Variants in ASTN2 observed in about 807,000 individuals in gnomAD.
ASTN2 encodes astrotactin 2.
In ASTN2, 54 loss-of-function variants were observed where a neutral mutation model predicts 139.8. The observed-to-expected ratio is 0.39, with a 90% CI of 0.31 to 0.48. The LOEUF (loss-of-function observed/expected upper bound fraction) is 0.48, where lower values mean the gene tolerates loss of function less well. ASTN2 is among the 20% of genes least tolerant of loss of function. The pLI is 0.95. For missense variants in ASTN2, 1,565 were observed against 1,725.1 expected, an observed-to-expected ratio of 0.91 and a Z score of 1.64; for synonymous variants, 756 against 719.5, an observed-to-expected ratio of 1.05 and a Z score of -0.81.
intron 2 of ASTN2, among the ~76,000 whole-genome samples, chr9:117,253,106 C>A (rs1833583056): frequency 6.6e-6 from 1 of 152,090 alleles, no homozygotes; most frequent in African/African-American, 2.4e-5. Flanking sequence ...ATTGGGCAGT[C>A]ATTGGTGGCA....
At position 116,863,632 on chromosome 9, in the gene ASTN2, C is replaced by T. The variant is rs750439078; in HGVS notation, c.1991G>A (p.Arg664His). Residue 664 changes from arginine to histidine, a missense_variant, in exon 11 of 23, where the codon CGC becomes CAC. Physicochemically the swap from Arg to His is conservative, Grantham distance 29. Around this residue, in one of 4 missense-constraint regions of ASTN2, gnomAD observed 503 missense variants for 591.7 expected, o/e 0.85. Coordinates refer to ENST00000313400, the MANE Select transcript of ASTN2 (RefSeq NM_001365068.1). ...CCGGTCAGACACACACTTGAAGTTGCGAGTGCAGCCCCCATTGTTCCGAGA... is the reference window on the plus strand; with the variant it reads ...CCGGTCAGACACACACTTGAAGTTGTGAGTGCAGCCCCCATTGTTCCGAGA... The part of the protein sequence containing the change: ...DCSRNNGGCT[R>H]NFKCVSDRQV... The T allele has an allele frequency of 2.2e-5, 35 of 1,614,038 alleles. No homozygotes were observed. Among genetic ancestry groups the T allele is most frequent in the Admixed American group, 1.8e-4 (11 of 60,004 alleles).
intron 19 of ASTN2, among the ~76,000 whole-genome samples, chr9:116,523,624 A>G (rs1850972144): frequency 6.6e-6 from 1 of 152,180 alleles, no homozygotes; most frequent in Non-Finnish European, 1.5e-5. Flanking sequence ...TAGGCCCTAA[A>G]TAATAGAGGG....
intron 4 of ASTN2, among the ~76,000 whole-genome samples, chr9:117,103,850 C>A (rs1010232039): frequency 6.6e-6 from 1 of 152,180 alleles, no homozygotes; most frequent in African/African-American, 2.4e-5. Context: ...AGTGGGTAAA[C>A]TTCCCACACC....
chr9:117,300,721 T>C (rs529707142), intron 1 of ASTN2, among the ~76,000 whole-genome samples: 12 of 152,188 alleles, frequency 7.9e-5, no homozygotes, highest in African/African-American at 2.9e-4. Flanking sequence ...GTTTGGGAGG[T>C]CACCCGTGGG....
intron 19 of ASTN2, among the ~76,000 whole-genome samples, chr9:116,590,177 C>G (rs908554947): frequency 2.0e-5 from 3 of 152,212 alleles, no homozygotes; most frequent in Non-Finnish European, 4.4e-5. Context: ...GAGCCCCACC[C>G]TCCGAGGCAC....
At chr9:117,029,803 AC>A (rs1838195849) in intron 6 of ASTN2, among the ~76,000 whole-genome samples, 1 of 152,016 alleles carries the variant, frequency 6.6e-6, no homozygotes, top group South Asian at 2.1e-4. Context: ...AGGGAGGCCA[AC>A]CCCCCTAATA....
At chr9:117,244,232 C>T (rs1159576844) in intron 2 of ASTN2, among the ~76,000 whole-genome samples, 3 of 152,238 alleles carry the variant, frequency 2.0e-5, no homozygotes, top group East Asian at 3.9e-4. Flanking sequence ...ATAAATTACC[C>T]TGTTTTGGGT....
intron 2 of ASTN2, among the ~76,000 whole-genome samples, chr9:117,222,891 AG>A (rs1449110751): frequency 6.6e-6 from 1 of 152,084 alleles, no homozygotes; most frequent in Non-Finnish European, 1.5e-5. Context: ...GAAAAAAAAA[AG>A]GAGACTCAGA....
chr9:117,344,329 C>T (rs568168298), intron 1 of ASTN2, among the ~76,000 whole-genome samples: 2 of 152,112 alleles, frequency 1.3e-5, no homozygotes, highest in East Asian at 1.9e-4. Context: ...GGATGCCGGG[C>T]ACCAGGGCTG....
intron 2 of ASTN2, among the ~76,000 whole-genome samples, chr9:117,253,601 A>G (rs375412652): frequency 9.9e-5 from 15 of 152,150 alleles, no homozygotes. Context: ...TGTCCCCACC[A>G]TTCTTATTCT....
chr9:116,756,357 A>G (rs1028396244), intron 13 of ASTN2, among the ~76,000 whole-genome samples: 3 of 151,678 alleles, frequency 2.0e-5, no homozygotes, highest in Non-Finnish European at 4.4e-5. Context: ...CCTAATCAGT[A>G]AATGTGGATC....
At chr9:117,399,099 AG>A (rs1830754455) in intron 1 of ASTN2, among the ~76,000 whole-genome samples, 1 of 152,164 alleles carries the variant, frequency 6.6e-6, no homozygotes, top group South Asian at 2.1e-4. Context: ...TGTAAAATTG[AG>A]GTTGGAAATA....
chr9:116,699,345 C>G lies in ASTN2; in HGVS notation c.2806+26426G>C. 1 of 1,614,210 alleles carries G rather than the reference C, an allele frequency of 6.2e-7. No homozygotes were observed. ...CGTCTACTTCACCCAGGGCTTAGGC[C>G]TCAATCTGGAGAATCGGCAGAATGA... On this transcript the variant is annotated intron_variant, in intron 16 of 22. Transcript: ENST00000313400. The surrounding 1 kb of genome is among the most constrained non-coding windows in gnomAD (Gnocchi z 4.2).
chr9:116,441,659 C>T (rs1270500503), intron 21 of ASTN2, among the ~76,000 whole-genome samples: 1 of 152,086 alleles, frequency 6.6e-6, no homozygotes, highest in East Asian at 1.9e-4. Flanking sequence ...AAATGTCTGT[C>T]TCACCACCCA....
intron 4 of ASTN2, among the ~76,000 whole-genome samples, chr9:117,137,115 G>T (rs190472977): frequency 4.1e-4 from 62 of 152,226 alleles, no homozygotes; most frequent in African/African-American, 1.3e-3. Context: ...CTCCTTAATA[G>T]CAGCCTCATA....
Position 116,601,705 on chromosome 9 carries a change from A to G in ASTN2, c.3355+16619T>C, listed in dbSNP as rs562216385. 1.5e-4 allele frequency among the ~76,000 whole-genome samples: 23 copies of G among 152,344 alleles called. No individual in the cohort carries two copies. The East Asian group carries it at 4.1e-3, about 27-fold the overall frequency. ...GGCACCAGCTATATAGAGTAAATGA[A>G]CAATTGGAAAGGAGCAAACTTGTAG... On this transcript the variant is annotated intron_variant, in intron 19 of 22. Coordinates refer to ENST00000313400, the MANE Select transcript of ASTN2 (RefSeq NM_001365068.1).
At chr9:117,145,931 A>G (rs1292460928) in intron 3 of ASTN2, among the ~76,000 whole-genome samples, 1 of 151,992 alleles carries the variant, frequency 6.6e-6, no homozygotes, top group African/African-American at 2.4e-5. Flanking sequence ...AGTGGCTGGG[A>G]AAAGAAGGCA....
At chr9:117,178,477 A>C (rs555959350) in intron 3 of ASTN2, among the ~76,000 whole-genome samples, 1 of 152,332 alleles carries the variant, frequency 6.6e-6, no homozygotes, top group African/African-American at 2.4e-5. Context: ...CAAGCACTTA[A>C]GGACCAGAGA....
At chr9:116,659,859 C>T (rs532577745) in intron 16 of ASTN2, among the ~76,000 whole-genome samples, 2 of 152,292 alleles carry the variant, frequency 1.3e-5, no homozygotes, top group South Asian at 4.1e-4. Flanking sequence ...TTCTAGGCCT[C>T]AAGTTCCATT....
Sources: gnomAD v4.1 joint callset for allele counts (sites outside exome capture counted in the v4.1 genomes callset) on GRCh38, gnomAD v4.1.1 for gene constraint, gnomAD v4.1.1 regional missense constraint, Gnocchi (gnomAD v3.1) non-coding constraint, MANE v1.5 for transcripts, NCBI Gene and HGNC (gene_info 2026-07-23, HGNC 2026-07-21) for gene names.